The following SLC35F4 variants were observed in gnomAD, a reference collection of about 807,000 sequenced individuals.
SLC35F4 encodes chromosome 14 open reading frame 36.
SLC35F4 carries 24 observed loss-of-function variants against 44.2 expected under a neutral mutation model. The ratio of observed to expected loss-of-function variants is 0.54; its 90% CI spans 0.39 to 0.76. The LOEUF (loss-of-function observed/expected upper bound fraction) is 0.76. Ranked by LOEUF, SLC35F4 falls within the 30% of genes least tolerant of loss-of-function variation. The pLI is 0.00. For missense variants in SLC35F4, 562 were observed against 586.1 expected (o/e 0.96, Z 0.42); for synonymous variants, 238 against 223.6 (o/e 1.06, Z -0.57).
At chr14:57,952,734 G>A (rs1890163649) in intron 1 of SLC35F4, among the ~76,000 whole-genome samples, 1 of 151,688 alleles carries the variant, frequency 6.6e-6, no homozygotes, top group African/African-American at 2.4e-5. Flanking sequence ...GACAAGATTA[G>A]AGAAAAAAGA....
chr14:57,652,903 C>G (rs1473089077), intron 1 of SLC35F4, among the ~76,000 whole-genome samples: 1 of 152,180 alleles, frequency 6.6e-6, no homozygotes, highest in Non-Finnish European at 1.5e-5. Flanking sequence ...GCAATCAATT[C>G]TAATCCAAAA....
chr14:57,593,794 C>G lies in SLC35F4; in HGVS notation c.289+145G>C, dbSNP rs1594979927. 4.7e-6 allele frequency: 4 copies of G among 856,348 alleles called. No individual in the cohort carries two copies. The East Asian group carries it at 1.1e-4, about 23-fold the overall frequency. 53.0% of individuals were successfully genotyped at this position (856,348 alleles called of 1,614,324 possible). ...ATTGTATCTATATATTTCCCTGCTT[C>G]CTTATCCTCCGGCTTGATAAAGCTT... On this transcript the variant is annotated intron_variant, in intron 2 of 7. Transcript: ENST00000556826.
chr14:57,927,758 TG>T, intron 1 of SLC35F4, among the ~76,000 whole-genome samples: 1 of 152,158 alleles, frequency 6.6e-6, no homozygotes, highest in Admixed American at 6.5e-5. Flanking sequence ...CCAAAAGTGC[TG>T]GGATTACAGG....
In SLC35F4 at chr14:57,817,345, T is replaced by G. The variant is rs200207225; in HGVS notation, c.103+48378A>C. On this transcript the variant is annotated intron_variant, in intron 1 of 7. Coordinates refer to ENST00000556826, the MANE Select transcript of SLC35F4 (RefSeq NM_001306087.2). ...TGAATACCTGGATCCTTTTGAATTCTCCAGCCTGGAAGAAGCAGCATCCTC... is the reference window on the plus strand; with the variant it reads ...TGAATACCTGGATCCTTTTGAATTCGCCAGCCTGGAAGAAGCAGCATCCTC... 2.6e-5 allele frequency among the ~76,000 whole-genome samples: 4 copies of G among 152,236 alleles called. No homozygotes were observed. The East Asian group carries it at 7.7e-4, about 29-fold the overall frequency.
At chr14:57,655,494 G>A (rs995755842) in intron 1 of SLC35F4, among the ~76,000 whole-genome samples, 4 of 152,086 alleles carry the variant, frequency 2.6e-5, no homozygotes, top group African/African-American at 9.7e-5. Context: ...TCCCAGAATT[G>A]TGCAACACAG....
chr14:57,640,870 T>A (rs1252547146), intron 1 of SLC35F4, among the ~76,000 whole-genome samples: 2 of 151,992 alleles, frequency 1.3e-5, no homozygotes, highest in Non-Finnish European at 2.9e-5. Flanking sequence ...AACATAAAAA[T>A]AGAACTCATA....
At chr14:57,979,843 T>C (rs981016520) in intron 1 of SLC35F4, among the ~76,000 whole-genome samples, 1 of 152,198 alleles carries the variant, frequency 6.6e-6, no homozygotes, top group African/African-American at 2.4e-5. Context: ...GAGCTGATTG[T>C]GCGTATCTTT....
At chr14:57,920,109 C>T (rs1434463151) in intron 1 of SLC35F4, among the ~76,000 whole-genome samples, 1 of 152,148 alleles carries the variant, frequency 6.6e-6, no homozygotes, top group Non-Finnish European at 1.5e-5. Flanking sequence ...TAAAAACTCA[C>T]GTTTCTTTCT....
At chr14:57,932,549 G>A (rs868698892) in intron 1 of SLC35F4, among the ~76,000 whole-genome samples, 15 of 152,114 alleles carry the variant, frequency 9.9e-5, no homozygotes, top group African/African-American at 3.6e-4. Flanking sequence ...AGGGGTTCTG[G>A]GTGAATTAGA....
intron 1 of SLC35F4, chr14:57,596,941 C>T (rs1353665962): frequency 7.6e-7 from 1 of 1,311,946 alleles, no homozygotes. Context: ...AAACTTTAAA[C>T]TTCCAAGCCA....
intron 4 of SLC35F4, among the ~76,000 whole-genome samples, chr14:57,578,323 C>CTTTTTT (rs2068952267): frequency 1.2e-4 from 4 of 33,168 alleles, no homozygotes; most frequent in Admixed American, 4.6e-4. Context: ...ATCCCTTTAA[C>CTTTTTT]TGTTTTTTTT....
chr14:57,928,491 G>A (rs77158762), intron 1 of SLC35F4, among the ~76,000 whole-genome samples: 2,929 of 152,266 alleles, frequency 0.019, 97 homozygotes, highest in African/African-American at 0.061. Flanking sequence ...CTTTTTCCTC[G>A]GGCATTAACT....
At chr14:57,780,741 T>C (rs2077598205) in intron 1 of SLC35F4, among the ~76,000 whole-genome samples, 1 of 151,846 alleles carries the variant, frequency 6.6e-6, no homozygotes, top group South Asian at 2.1e-4. Flanking sequence ...AACAGACACA[T>C]ATAAAACATA....
chr14:57,630,319 G>C (rs1053596398), intron 1 of SLC35F4: 19 of 577,622 alleles, frequency 3.3e-5, no homozygotes, highest in Non-Finnish European at 5.2e-5. Flanking sequence ...AACTATAGAA[G>C]GTCGTATAGT....
At chr14:57,689,253 C>A (rs562927982) in intron 1 of SLC35F4, among the ~76,000 whole-genome samples, 11 of 152,252 alleles carry the variant, frequency 7.2e-5, no homozygotes, top group East Asian at 1.9e-4. Context: ...ACCCTCAACT[C>A]GTCTCTGTCT....
chr14:57,698,922 G>A (rs1289590813), intron 1 of SLC35F4, among the ~76,000 whole-genome samples: 1 of 152,070 alleles, frequency 6.6e-6, no homozygotes, highest in Admixed American at 6.6e-5. Flanking sequence ...CACCATGCCT[G>A]GCCATGAACA....
intron 1 of SLC35F4, among the ~76,000 whole-genome samples, chr14:57,599,373 C>T (rs1447211375): frequency 6.6e-6 from 1 of 152,148 alleles, no homozygotes; most frequent in Non-Finnish European, 1.5e-5. Context: ...CCCATTGAGT[C>T]AGAAATTCTG....
intron 1 of SLC35F4, among the ~76,000 whole-genome samples, chr14:57,611,939 T>C (rs1006476569): frequency 7.2e-5 from 11 of 152,186 alleles, no homozygotes; most frequent in African/African-American, 2.4e-4. Context: ...CACTGTGCAG[T>C]GCAACAGTGC....
At chr14:57,958,881 A>C (rs1813780417) in intron 1 of SLC35F4, among the ~76,000 whole-genome samples, 1 of 152,204 alleles carries the variant, frequency 6.6e-6, no homozygotes, top group Non-Finnish European at 1.5e-5. Context: ...AACTCCCCGT[A>C]GAGAGAGGGT....
Sources: allele counts gnomAD v4.1 joint callset (sites outside exome capture counted in the v4.1 genomes callset), GRCh38; gene constraint gnomAD v4.1.1; transcripts MANE v1.5; gene names NCBI Gene and HGNC (gene_info 2026-07-23, HGNC 2026-07-21).